TMOD3: variants seen among roughly 807,000 people sequenced by gnomAD.
TMOD3 encodes the protein tropomodulin-3.
In TMOD3, 20 loss-of-function variants were observed where a neutral mutation model predicts 39.2. The ratio of observed to expected loss-of-function variants is 0.51; its 90% confidence interval spans 0.36 to 0.74. TMOD3 has a LOEUF of 0.74. Among genes scored for constraint, TMOD3 ranks in the 30% least tolerant of loss-of-function variants. The pLI is 0.00. For missense variants in TMOD3, 381 were observed against 412.8 expected, an observed-to-expected ratio of 0.92 and a Z score of 0.67; for synonymous variants, 143 against 145.8, an observed-to-expected ratio of 0.98 and a Z score of 0.14.
chr15:51,884,410 A>G (rs1566862992), intron 3 of TMOD3: 1 of 152,222 alleles, frequency 6.6e-6, no homozygotes, highest in Non-Finnish European at 1.5e-5. Flanking sequence ...GAAGTACTTT[A>G]TTTGATTTCA....
chr15:51,838,659 T>G (rs1461791152), intron 1 of TMOD3, among the ~76,000 whole-genome samples: 1 of 152,196 alleles, frequency 6.6e-6, no homozygotes, highest in Non-Finnish European at 1.5e-5. Context: ...TTATCTTGAT[T>G]GCTGAGCTTT....
intron 1 of TMOD3, among the ~76,000 whole-genome samples, chr15:51,839,515 C>T (rs1445932467): frequency 6.6e-6 from 1 of 151,870 alleles, no homozygotes; most frequent in East Asian, 1.9e-4. Context: ...TGCCATTTGA[C>T]CATTAGGATT....
chr15:51,867,196 G>A (rs961192281), intron 2 of TMOD3, among the ~76,000 whole-genome samples: 1 of 152,180 alleles, frequency 6.6e-6, no homozygotes, highest in Non-Finnish European at 1.5e-5. Flanking sequence ...TGATCCAGGT[G>A]GGAAGCTAAT....
At chr15:51,904,940 C>T (rs1359737454) in intron 9 of TMOD3, among the ~76,000 whole-genome samples, 3 of 152,176 alleles carry the variant, frequency 2.0e-5, no homozygotes, top group Non-Finnish European at 2.9e-5. Context: ...AGCTTTGTTC[C>T]GGGAACTCTC....
chr15:51,849,401 G>C (rs1440777572), intron 1 of TMOD3, among the ~76,000 whole-genome samples: 2 of 152,130 alleles, frequency 1.3e-5, no homozygotes, highest in Non-Finnish European at 2.9e-5. Context: ...GTCCAGATTG[G>C]AGATATCAAT....
At chr15:51,890,396 C>T (rs1268801456) in intron 5 of TMOD3, among the ~76,000 whole-genome samples, 2 of 147,194 alleles carry the variant, frequency 1.4e-5, no homozygotes, top group African/African-American at 2.5e-5. Context: ...AGGCTGGTCT[C>T]GAACTCCTGA....
chr15:51,856,606 ATTTT>A (rs61532703), intron 1 of TMOD3, among the ~76,000 whole-genome samples: 1 of 149,262 alleles, frequency 6.7e-6, no homozygotes, highest in Admixed American at 6.7e-5. Context: ...TATTAAGGGC[ATTTT>A]TTTTTTTTAA....
At chr15:51,906,022 T>G (rs1412206821) in intron 9 of TMOD3, among the ~76,000 whole-genome samples, 1 of 148,918 alleles carries the variant, frequency 6.7e-6, no homozygotes, top group East Asian at 2.0e-4. Flanking sequence ...AGGGCAAAAT[T>G]TATAAGCCTG....
intron 1 of TMOD3, among the ~76,000 whole-genome samples, chr15:51,839,019 G>A (rs1316119352): frequency 6.6e-6 from 1 of 152,156 alleles, no homozygotes; most frequent in Admixed American, 6.5e-5. Flanking sequence ...TGGAATAAGG[G>A]GTGGGTCCCC....
At chr15:51,831,924 T>C (rs943758048) in intron 1 of TMOD3, among the ~76,000 whole-genome samples, 1 of 152,144 alleles carries the variant, frequency 6.6e-6, no homozygotes, top group South Asian at 2.1e-4. Flanking sequence ...GGCTCACACC[T>C]GTAATCCCAG....
chr15:51,905,941 A>C, intron 9 of TMOD3, among the ~76,000 whole-genome samples: 1 of 105,100 alleles, frequency 9.5e-6, no homozygotes, highest in Admixed American at 1.3e-4. Flanking sequence ...ACAGAGCGAG[A>C]CTCCGTCTCA....
At chr15:51,894,060 C>A in intron 6 of TMOD3, 115 bp downstream of exon 6, 1 of 924,746 alleles carries the variant, frequency 1.1e-6, no homozygotes, top group Non-Finnish European at 1.5e-6. Flanking sequence ...AAAGTTTTTG[C>A]TCTTACCAGT....
chr15:51,844,243 T>C (rs1765215229), intron 1 of TMOD3, among the ~76,000 whole-genome samples: 1 of 152,176 alleles, frequency 6.6e-6, no homozygotes, highest in Admixed American at 6.5e-5. Context: ...CAAGCACTTA[T>C]TTTTAAAAGT....
intron 3 of TMOD3, among the ~76,000 whole-genome samples, chr15:51,883,697 A>T (rs917935278): frequency 6.6e-6 from 1 of 152,216 alleles, no homozygotes; most frequent in African/African-American, 2.4e-5. Flanking sequence ...TCAGCTGCCC[A>T]TGCAGCATAC....
intron 6 of TMOD3, among the ~76,000 whole-genome samples, chr15:51,894,974 G>A (rs1195512552): frequency 6.6e-6 from 1 of 152,038 alleles, no homozygotes; most frequent in East Asian, 1.9e-4. Flanking sequence ...GGAGGACATG[G>A]GGTAATTAAT....
At chr15:51,872,132 C>T (rs562517311) in intron 3 of TMOD3, among the ~76,000 whole-genome samples, 9 of 152,162 alleles carry the variant, frequency 5.9e-5, no homozygotes, top group African/African-American at 9.7e-5. Flanking sequence ...GGTAGCTCAA[C>T]GCCTGTAATC....
chr15:51,842,851 T>G lies in TMOD3; in HGVS notation c.-75+13015T>G, dbSNP rs1488808148. Among the ~76,000 whole-genome samples the G allele has an allele frequency of 2.6e-5, 4 of 152,210 alleles. No homozygotes were observed. In the South Asian group the frequency reaches 8.3e-4, roughly 31 times the overall value. On this transcript the variant is annotated intron_variant, in intron 1 of 9. Transcript: ENST00000308580. ...TTGAAAAACCTATTGTAACTACTAC[T>G]CCCTTTCAATCTGAAAATTAATCAT...
In TMOD3 at chr15:51,881,828, A is replaced by G. The variant is rs1162723304; in HGVS notation, c.284-5761A>G. Among the ~76,000 whole-genome samples the G allele has an allele frequency of 2.0e-5, 3 of 151,938 alleles. No homozygotes were observed. The East Asian group carries it at 5.8e-4, about 29-fold the overall frequency. On this transcript the variant is annotated intron_variant, in intron 3 of 9. Coordinates refer to ENST00000308580, the MANE Select transcript of TMOD3 (RefSeq NM_014547.5). ...ATCTGCCCACCTTGGCCTCCCAAGA[A>G]GATATAATCTTATGTTTTTTCCTAA...
rs2056727784 is a variant in TMOD3 at position 51,915,133 on chromosome 15, A to C, written c.*6323A>C. ...TGTTTTAATTGATGCAAAGCAATTAATTGGCCTAAAATGTTTCAAATATTA... is the reference window on the plus strand; with the variant it reads ...TGTTTTAATTGATGCAAAGCAATTACTTGGCCTAAAATGTTTCAAATATTA... On this transcript the variant is annotated 3_prime_UTR_variant, in exon 10 of 10. Coordinates refer to ENST00000308580, the MANE Select transcript of TMOD3 (RefSeq NM_014547.5). 1 of 152,130 alleles carries C rather than the reference A, an allele frequency of 6.6e-6. No individual in the cohort carries two copies. Among genetic ancestry groups the C allele is most frequent in the African/African-American group, 2.4e-5 (1 of 41,432 alleles). The allele number at this position is 152,130 out of a possible 1,614,324, so 9.4% of individuals were successfully genotyped here.
Sources: allele counts gnomAD v4.1 joint callset (sites outside exome capture counted in the v4.1 genomes callset), GRCh38; gene constraint gnomAD v4.1.1; transcripts MANE v1.5; gene names NCBI Gene and HGNC (gene_info 2026-07-23, HGNC 2026-07-21).